TMC1: variants seen among roughly 807,000 people sequenced by gnomAD.
TMC1 encodes the protein transmembrane channel like 1, also known as transmembrane channel-like protein 1.
Under a neutral mutation model 105.8 loss-of-function variants are expected in TMC1, and 84 were observed. That is an observed-to-expected ratio of 0.79 (90% confidence interval 0.67 to 0.95). The LOEUF (loss-of-function observed/expected upper bound fraction) is 0.95, where lower values mean the gene tolerates loss of function less well. TMC1 is among the 40% of genes least tolerant of loss of function. The pLI is 0.00. For synonymous variants in TMC1, 315 were observed against 311.5 expected, an observed-to-expected ratio of 1.01 and a Z score of -0.12; for missense variants, 817 against 914.1, an observed-to-expected ratio of 0.89 and a Z score of 1.37.
chr9:72,820,506 TTTAGAA>T (rs1448692972), intron 19 of TMC1, among the ~76,000 whole-genome samples: 3 of 152,210 alleles, frequency 2.0e-5, no homozygotes, highest in Admixed American at 2.0e-4. Context: ...GAAAGTTTAT[TTTAGAA>T]TTAGAAGAAA....
At chr9:72,780,513 C>T (rs975072818) in intron 13 of TMC1, among the ~76,000 whole-genome samples, 1 of 152,122 alleles carries the variant, frequency 6.6e-6, no homozygotes. Context: ...CTTCAAGGGA[C>T]CCATCTCACA....
intron 8 of TMC1, among the ~76,000 whole-genome samples, chr9:72,706,048 C>T (rs941447336): frequency 6.6e-6 from 1 of 152,204 alleles, no homozygotes; most frequent in Non-Finnish European, 1.5e-5. Context: ...TCTTTTCACA[C>T]TTCTTTTCAT....
At chr9:72,700,208 AC>A (rs1156797224) in intron 7 of TMC1, among the ~76,000 whole-genome samples, 1 of 150,970 alleles carries the variant, frequency 6.6e-6, no homozygotes, top group Non-Finnish European at 1.5e-5. Flanking sequence ...CCAAGATCGC[AC>A]CATTGCACTA....
intron 1 of TMC1, among the ~76,000 whole-genome samples, chr9:72,538,038 C>T (rs1008183494): frequency 1.3e-5 from 2 of 151,940 alleles, no homozygotes; most frequent in African/African-American, 4.8e-5. Flanking sequence ...CACCTGTAGT[C>T]CTTGCTACTC....
chr9:72,623,000 C>T (rs7026509), intron 3 of TMC1, among the ~76,000 whole-genome samples: 14,071 of 148,390 alleles, frequency 0.095, 780 homozygotes, highest in African/African-American at 0.14. Context: ...TGCAGGGAGC[C>T]GAGATTGTGC....
chr9:72,685,145 C>G (rs372665588), intron 5 of TMC1, among the ~76,000 whole-genome samples: 2 of 113,874 alleles, frequency 1.8e-5, no homozygotes, highest in African/African-American at 7.1e-5. Context: ...CTTGCTCTTT[C>G]GCCCAGGCCA....
At chr9:72,607,205 A>AAG (rs1824935923) in intron 2 of TMC1, among the ~76,000 whole-genome samples, 1 of 152,182 alleles carries the variant, frequency 6.6e-6, no homozygotes, top group Non-Finnish European at 1.5e-5. Context: ...TTACAGTAAA[A>AAG]GGTGGTACAT....
chr9:72,830,716 ATTTTTCTTTTTC>A (rs750087307), intron 23 of TMC1, 34 bp downstream of exon 23: 1 of 1,509,614 alleles, frequency 6.6e-7, no homozygotes, highest in Non-Finnish European at 8.9e-7. Context: ...AATGTTTGTA[ATTTTTCTTTTTC>A]TTTTTCTTTC....
At chr9:72,777,581 T>C (rs1828025765) in intron 13 of TMC1, among the ~76,000 whole-genome samples, 1 of 152,210 alleles carries the variant, frequency 6.6e-6, no homozygotes, top group South Asian at 2.1e-4. Flanking sequence ...ATTTCAAAAA[T>C]GCTTGGAGCA....
chr9:72,744,480 C>G (rs1827454020), intron 10 of TMC1, among the ~76,000 whole-genome samples: 2 of 152,146 alleles, frequency 1.3e-5, no homozygotes, highest in African/African-American at 4.8e-5. Flanking sequence ...AACTGTACAG[C>G]TCAAATGTGG....
Position 72,820,976 on chromosome 9 carries a change from A to G in TMC1, c.1898A>G (p.Asn633Ser), listed in dbSNP as rs1564577142. The G allele has an allele frequency of 6.2e-7, 1 of 1,614,110 alleles. No homozygotes were observed. Among genetic ancestry groups the G allele is most frequent in the East Asian group, 2.2e-5 (1 of 44,874 alleles). Reference protein sequence around the residue: ...EARVFKASRSNNFYLGMLLLI... With the variant: ...EARVFKASRSSNFYLGMLLLI... ...AGGGTCTTCAAAGCTTCCAGATCAA[A>G]TAACTTCTACCTGGGCATGCTACTG... is the stretch of plus-strand genomic sequence containing the variant. Residue 633 changes from asparagine to serine, a missense_variant, in exon 20 of 24, where the codon AAT becomes AGT. Coordinates refer to ENST00000297784, the MANE Select transcript of TMC1 (RefSeq NM_138691.3).
chr9:72,656,275 C>T (rs1213759789), intron 5 of TMC1: 4 of 294,882 alleles, frequency 1.4e-5, no homozygotes, highest in Admixed American at 3.7e-5. Context: ...CGGATCAGAG[C>T]TCCACAACAC....
intron 8 of TMC1, among the ~76,000 whole-genome samples, chr9:72,721,495 A>T (rs1174954122): frequency 1.3e-5 from 2 of 152,178 alleles, no homozygotes; most frequent in African/African-American, 2.4e-5. Context: ...GTATTAATAG[A>T]CTTGTTTGTT....
intron 12 of TMC1, among the ~76,000 whole-genome samples, chr9:72,769,404 T>C (rs538406505): frequency 1.3e-5 from 2 of 152,330 alleles, no homozygotes; most frequent in East Asian, 1.9e-4. Context: ...AGTGTCTTTA[T>C]GGACAAGTGA....
chr9:72,612,638 C>A (rs1452446727), intron 2 of TMC1, among the ~76,000 whole-genome samples: 3 of 152,148 alleles, frequency 2.0e-5, no homozygotes, highest in African/African-American at 7.2e-5. Context: ...ACTTTATTTA[C>A]AAAAACAGGC....
intron 7 of TMC1, among the ~76,000 whole-genome samples, chr9:72,697,483 A>G (rs543834076): frequency 2.5e-4 from 38 of 152,280 alleles, no homozygotes; most frequent in African/African-American, 9.1e-4. Context: ...TCTCACAGGG[A>G]TAGTTAGAAA....
intron 4 of TMC1, among the ~76,000 whole-genome samples, chr9:72,639,756 TAAG>T (rs1005559317): frequency 6.6e-6 from 1 of 152,204 alleles, no homozygotes; most frequent in Non-Finnish European, 1.5e-5. Context: ...CTTAATTAAA[TAAG>T]AAGGACTGCA....
intron 2 of TMC1, among the ~76,000 whole-genome samples, chr9:72,602,272 CA>C (rs1824829818): frequency 6.6e-6 from 1 of 151,202 alleles, no homozygotes; most frequent in African/African-American, 2.4e-5. Context: ...GAAAGTAAGA[CA>C]ACACACTCCA....
intron 6 of TMC1, among the ~76,000 whole-genome samples, chr9:72,692,989 G>A (rs563533428): frequency 1.9e-4 from 29 of 151,944 alleles, no homozygotes; most frequent in Admixed American, 1.8e-3. Context: ...GTATGATGGC[G>A]CACACCTGTA....
Sources: allele counts gnomAD v4.1 joint callset (sites outside exome capture counted in the v4.1 genomes callset), GRCh38; gene constraint gnomAD v4.1.1; transcripts MANE v1.5; gene names NCBI Gene and HGNC (gene_info 2026-07-23, HGNC 2026-07-21).